The following RGL3 variants were observed in gnomAD, a reference collection of about 807,000 sequenced individuals.
The protein encoded by RGL3 is ral guanine nucleotide dissociation stimulator-like 3.
A neutral mutation model predicts 90.6 loss-of-function variants in RGL3; 85 were observed. That is an observed-to-expected ratio of 0.94 (90% CI 0.79 to 1.12). RGL3 has a LOEUF of 1.12. RGL3 is among the 50% of genes most tolerant of loss of function. The pLI is 0.00. For missense variants in RGL3, 1,034 were observed against 939.2 expected (o/e 1.10, Z -1.32); for synonymous variants, 408 against 385.5 (o/e 1.06, Z -0.68).
chr19:11,409,212 G>A (rs1968832927), intron 5 of RGL3, among the ~76,000 whole-genome samples: 2 of 151,490 alleles, frequency 1.3e-5, no homozygotes, highest in African/African-American at 2.4e-5. Flanking sequence ...CGGGGGCAGT[G>A]GCTCACGCCT....
rs201569787 is a variant in RGL3, at chr19:11,406,801, T to C, written c.701A>G (p.Glu234Gly). 1.2e-6 allele frequency: 2 copies of C among 1,613,820 alleles called. No individual in the cohort carries two copies. The highest frequency in any genetic ancestry group is 1.7e-6 in the Non-Finnish European group (2 of 1,179,886). ...CTGGGGACCTTGAGGCATGAGCCCT[T>C]CCTCTTCCTCCGCGCAGGCCTCTGA... ...DSSEACAEEEEGLMPQGPQLL... is the reference protein window; with the variant it reads ...DSSEACAEEEGGLMPQGPQLL... The change falls in exon 6 of 19, where the codon GAA (glutamate) becomes GGA (glycine). Residue 234 changes from glutamate (E) to glycine (G), a missense_variant. Glu to Gly is a moderately conservative substitution (Grantham distance 98). Coordinates refer to ENST00000380456, the MANE Select transcript of RGL3 (RefSeq NM_001035223.4).
chr19:11,417,875 G>A (rs1201084821), intron 2 of RGL3, among the ~76,000 whole-genome samples: 1 of 151,782 alleles, frequency 6.6e-6, no homozygotes, highest in South Asian at 2.1e-4. Flanking sequence ...CCCAGGCTGG[G>A]GTGCAGTGGC....
rs1968750343 is a variant in RGL3, at chr19:11,405,203, A to C, written c.1129T>G (p.Ser377Ala). The C allele has an allele frequency of 1.9e-6, 3 of 1,614,110 alleles. No homozygotes were observed. The highest frequency in any genetic ancestry group is 2.5e-6 in the Non-Finnish European group (3 of 1,180,020). ...TTGTTCTCATCGGAGAAAATCTGCG[A>C]AAGTTTCCTGAAAGTAGATAGCGGT... Reference protein sequence around the residue: ...REPLSTFRKLSQIFSDENNHL... With the variant: ...REPLSTFRKLAQIFSDENNHL... Residue 377 changes from serine (S) to alanine (A), a missense_variant, in exon 9 of 19, where the codon TCG (serine) becomes GCG (alanine). Transcript: ENST00000380456.
chr19:11,416,789 T>A, intron 3 of RGL3, 47 bp downstream of exon 3: 1 of 1,605,018 alleles, frequency 6.2e-7, no homozygotes, highest in Non-Finnish European at 8.5e-7. Context: ...GGGTGCCCAG[T>A]TGGGGTTCTA....
chr19:11,410,131 T>A (rs976390932), intron 5 of RGL3, among the ~76,000 whole-genome samples: 4 of 149,546 alleles, frequency 2.7e-5, no homozygotes, highest in African/African-American at 7.3e-5. Context: ...TATATTTTTT[T>A]ATTATTTATT....
At chr19:11,395,085 T>C (rs1599426487) in intron 18 of RGL3, among the ~76,000 whole-genome samples, 1 of 143,340 alleles carries the variant, frequency 7.0e-6, no homozygotes. Context: ...AGCACGAGAC[T>C]CCATCTCAAA....
intron 1 of RGL3, 73 bp downstream of exon 1, chr19:11,419,173 G>T: frequency 6.6e-7 from 1 of 1,511,660 alleles, no homozygotes; most frequent in Non-Finnish European, 9.0e-7. Flanking sequence ...ACCGTCCGAC[G>T]GGCGGGCGCT....
intron 5 of RGL3, among the ~76,000 whole-genome samples, chr19:11,410,474 G>A (rs947387030): frequency 1.3e-5 from 2 of 152,014 alleles, no homozygotes; most frequent in African/African-American, 4.8e-5. Flanking sequence ...TTGAGACCAG[G>A]AGTTTGAGAC....
At chr19:11,412,313 C>T (rs968694068) in intron 5 of RGL3, among the ~76,000 whole-genome samples, 6 of 150,254 alleles carry the variant, frequency 4.0e-5, no homozygotes, top group African/African-American at 1.5e-4. Flanking sequence ...AGCCTGTTGT[C>T]AGACATGTGT....
rs1306142152 is a variant in RGL3 at position 11,402,510 on chromosome 19, C to T, written c.1274G>A (p.Gly425Asp). The T allele has an allele frequency of 3.1e-6, 5 of 1,605,094 alleles. No individual in the cohort carries two copies. Among genetic ancestry groups the T allele is most frequent in the Non-Finnish European group, 4.2e-6 (5 of 1,176,914 alleles). Reference sequence around the variant, plus strand: ...CATAACCAGGTCCGTAAGGAAGGTGCCAAGGTAGGGGACAGGGCCTGGGGG... The same window carrying T: ...CATAACCAGGTCCGTAAGGAAGGTGTCAAGGTAGGGGACAGGGCCTGGGGG... Reference protein sequence around the residue: ...KPPPGPVPYLGTFLTDLVMLD... With the variant: ...KPPPGPVPYLDTFLTDLVMLD... The change falls in exon 11 of 19, where the codon GGC becomes GAC. Residue 425 changes from glycine (G) to aspartate (D), a missense_variant. Coordinates refer to ENST00000380456, the MANE Select transcript of RGL3 (RefSeq NM_001035223.4).
In RGL3 at chr19:11,414,490, CATATATATATATATATATATAT is replaced by C. The variant is rs57862666; in HGVS notation, c.637+1425_637+1446del. Among the ~76,000 whole-genome samples the C allele has an allele frequency of 7.6e-3, 212 of 27,870 alleles. 7 individuals are homozygous for C. The highest frequency in any genetic ancestry group is 0.034 in the African/African-American group (196 of 5,760). 18.3% of individuals were successfully genotyped at this position (27,870 alleles called of 152,430 possible). A position where few individuals can be genotyped will look rare whatever the true frequency, so the allele number is the denominator to read the frequency against. On this transcript the variant is annotated intron_variant, in intron 5 of 18. Coordinates refer to ENST00000380456, the MANE Select transcript of RGL3 (RefSeq NM_001035223.4). The stretch of plus-strand genomic sequence containing the variant: ...ATATATATATATATATATACACCTT[CATATATATATATATATATATAT>C]ATATATATATATATATACCTTTATA...
chr19:11,397,508 C>T lies in RGL3; in HGVS notation c.1836G>A (p.Ser612=), dbSNP rs376798441. The T allele has an allele frequency of 7.3e-5, 117 of 1,613,482 alleles. 1 individual carries two copies. The Middle Eastern group carries it at 1.8e-3, about 25-fold the overall frequency. ...PRIPLPAQQS[S]EARVIRVSID... is the part of the protein sequence containing the mutation. ...TGCTGACGCGGATGACACGGGCCTC[C>T]GAGCTCTGCTGCGCCGGGAGGGGGA... The change falls in exon 17 of 19, where the codon TCG becomes TCA. Residue 612 remains serine (S), a synonymous_variant. Coordinates refer to ENST00000380456, the MANE Select transcript of RGL3 (RefSeq NM_001035223.4).
At position 11,406,639 on chromosome 19, in the gene RGL3, G is replaced by A; in HGVS notation, c.781-5C>T. ...CCTCACCTTGGAGAAGAGCTCCTGG[G>A]CCAGGGGAGGGGTGTGGGATTGGTG... On this transcript the variant is annotated splice_polypyrimidine_tract_variant and splice_region_variant and intron_variant, in intron 6 of 18. Transcript: ENST00000380456. The A allele has an allele frequency of 6.4e-7, 1 of 1,569,434 alleles. No individual in the cohort carries two copies. The highest frequency in any genetic ancestry group is 1.9e-5 in the Admixed American group (1 of 52,626).
intron 9 of RGL3, among the ~76,000 whole-genome samples, chr19:11,403,277 C>T (rs957668380): frequency 8.7e-5 from 13 of 150,172 alleles, no homozygotes; most frequent in Admixed American, 4.6e-4. Flanking sequence ...CCTCGTGATC[C>T]GCCTGCCTGG....
At chr19:11,407,925 A>G (rs1480569268) in intron 5 of RGL3, among the ~76,000 whole-genome samples, 1 of 151,844 alleles carries the variant, frequency 6.6e-6, no homozygotes, top group Non-Finnish European at 1.5e-5. Flanking sequence ...ACCTCAAGTG[A>G]TCTGCCTGCC....
chr19:11,418,838 A>G, intron 1 of RGL3, 54 bp from the exon 2 acceptor site: 1 of 1,423,468 alleles, frequency 7.0e-7, no homozygotes, highest in Non-Finnish European at 9.4e-7. Flanking sequence ...CTGGGGCCTC[A>G]GCCTCCTTGG....
At chr19:11,416,408 A>T in intron 4 of RGL3, 2 of 645,870 alleles carry the variant, frequency 3.1e-6, no homozygotes, top group South Asian at 3.6e-5. Context: ...CATATTGGCC[A>T]GGATGGTCTC....
intron 2 of RGL3, 24 bp downstream of exon 2, chr19:11,418,647 C>T (rs984728305): frequency 6.6e-7 from 1 of 1,518,354 alleles, no homozygotes; most frequent in Non-Finnish European, 8.8e-7. Context: ...CGGCCCCGCG[C>T]CACCCACCAA....
At chr19:11,418,813 A>G (rs889784922) in intron 1 of RGL3, 29 bp from the exon 2 acceptor site, 1 of 1,517,598 alleles carries the variant, frequency 6.6e-7, no homozygotes, top group Non-Finnish European at 8.8e-7. Flanking sequence ...TCAGGGCACC[A>G]AAGGGGCACA....
Sources: allele counts gnomAD v4.1 joint callset (sites outside exome capture counted in the v4.1 genomes callset), GRCh38; gene constraint gnomAD v4.1.1; transcripts MANE v1.5; gene names NCBI Gene and HGNC (gene_info 2026-07-23, HGNC 2026-07-21).